ABR: variants seen among roughly 807,000 people sequenced by gnomAD.
ABR encodes active breakpoint cluster region-related protein.
In ABR, 35 loss-of-function variants were observed where a neutral mutation model predicts 107.2. The observed-to-expected ratio is 0.33, with a 90% CI of 0.25 to 0.43. The LOEUF is 0.43. ABR is among the 20% of genes least tolerant of loss of function. The pLI, the probability that ABR is intolerant of heterozygous loss-of-function variation, is 1.00. For synonymous variants in ABR, 498 were observed against 462.0 expected (o/e 1.08, Z -1.00); for missense variants, 815 against 1,115.2 (o/e 0.73, Z 3.83).
chr17:1,205,943 A>G (rs1286078481), intron 1 of ABR, among the ~76,000 whole-genome samples: 2 of 151,732 alleles, frequency 1.3e-5, no homozygotes, highest in African/African-American at 2.4e-5. Context: ...TCCGACTCGA[A>G]AAAAGAAAAA....
At position 1,011,765 on chromosome 17, in the gene ABR, G is replaced by A; in HGVS notation, c.2101+81C>T. The A allele has an allele frequency of 6.8e-7, 1 of 1,477,296 alleles. No individual in the cohort carries two copies. The highest frequency in any genetic ancestry group is 1.4e-5 in the South Asian group (1 of 69,586). The allele number at this position is 1,477,296 out of a possible 1,614,324, so 91.5% of individuals were successfully genotyped here. On this transcript the variant is annotated intron_variant, in intron 19 of 22. Coordinates refer to ENST00000302538, the MANE Select transcript of ABR (RefSeq NM_021962.5). This position sits in a 1 kb window ranked among gnomAD's most constrained non-coding sequence, Gnocchi z 4.8. ...AGCCTCCTCTCCAGGGAGGCTCCTG[G>A]TTCCCCCGAGCTCTCCTGTCCATCC...
rs1265868987 is a variant in ABR, at chr17:1,210,987, CAG to C, written c.838+17804_838+17805del. On this transcript the variant is annotated intron_variant, in intron 1 of 22. Transcript: ENST00000574139. This position sits in a 1 kb window ranked among gnomAD's most constrained non-coding sequence, Gnocchi z 5.6. ...AAAAATCTCCCGAGCTTGTTAAAAA[CAG>C]AGATTCCTGGCCGAGCGTGGTGGCT... 6.6e-6 allele frequency among the ~76,000 whole-genome samples: 1 copy of C among 152,174 alleles called. No homozygotes were observed. The highest frequency in any genetic ancestry group is 2.4e-5 in the African/African-American group (1 of 41,460).
At chr17:1,016,695 C>G (rs2071195625) in intron 16 of ABR, among the ~76,000 whole-genome samples, 1 of 152,036 alleles carries the variant, frequency 6.6e-6, no homozygotes, top group Non-Finnish European at 1.5e-5. Flanking sequence ...CGACAGCCAG[C>G]CTCAGGCCTC....
chr17:1,102,552 A>G (rs77257043), intron 2 of ABR, among the ~76,000 whole-genome samples: 3,285 of 152,356 alleles, frequency 0.022, 140 homozygotes, highest in African/African-American at 0.074. Flanking sequence ...AGATGAACTA[A>G]AAGAAAAATA....
At position 1,054,174 on chromosome 17, in the gene ABR, G is replaced by A. The variant is rs114528110; in HGVS notation, c.1561+1861C>T. On this transcript the variant is annotated intron_variant, in intron 14 of 22. Transcript: ENST00000302538. ...GTTTCCGTGACCTCGGCGGGATGCC[G>A]GAGGCTCAGAGCGGACCGTGAGACT... is the stretch of plus-strand genomic sequence containing the variant. Among the ~76,000 whole-genome samples the A allele has an allele frequency of 5.2e-3, 786 of 152,332 alleles. 6 individuals are homozygous for A. The highest frequency in any genetic ancestry group is 0.018 in the African/African-American group (737 of 41,574).
rs573584934 is a variant in ABR at position 1,036,218 on chromosome 17, G to A, written c.1791+13832C>T. ...AATGACTCCAGGAGAGGGGGTTTCT[G>A]AGCAGCCAGCTAGACCAAGGCCACA... On this transcript the variant is annotated intron_variant, in intron 16 of 22. Transcript: ENST00000302538. Among the ~76,000 whole-genome samples, 3 of 152,316 alleles carry A rather than the reference G, an allele frequency of 2.0e-5. No homozygotes were observed. In the South Asian group the frequency reaches 6.2e-4, roughly 32 times the overall value.
intron 1 of ABR, among the ~76,000 whole-genome samples, chr17:1,135,047 T>C (rs2039996919): frequency 6.6e-6 from 1 of 152,194 alleles, no homozygotes; most frequent in Non-Finnish European, 1.5e-5. Flanking sequence ...TCTTGAAAGC[T>C]GTGTGGGTGC....
At chr17:1,111,227 T>C (rs1354502793) in intron 2 of ABR, among the ~76,000 whole-genome samples, 1 of 152,176 alleles carries the variant, frequency 6.6e-6, no homozygotes, top group African/African-American at 2.4e-5. Flanking sequence ...CCCACACCTC[T>C]ACACGGCATG....
chr17:1,155,964 A>AAAG, intron 1 of ABR: 1 of 151,608 alleles, frequency 6.6e-6, no homozygotes, highest in South Asian at 2.1e-4. Flanking sequence ...CAAAAAAAAA[A>AAAG]AAAAAAAAAA....
At chr17:1,012,498 G>T in intron 18 of ABR, 190 bp downstream of exon 18, 1 of 700,962 alleles carries the variant, frequency 1.4e-6, no homozygotes, top group Non-Finnish European at 2.6e-6. Context: ...GTGCTGGCTC[G>T]CGTGCTTCTG....
At chr17:1,203,634 G>C (rs1251914725) in intron 1 of ABR, among the ~76,000 whole-genome samples, 1 of 152,156 alleles carries the variant, frequency 6.6e-6, no homozygotes, top group African/African-American at 2.4e-5. Context: ...GCTGCGAGGA[G>C]CCCGGCGAGT....
rs185856769 is a variant in ABR at position 1,207,360 on chromosome 17, A to G, written c.838+21433T>C. On this transcript the variant is annotated intron_variant, in intron 1 of 22. Coordinates refer to the ABR transcript ENST00000574139. ...CAATATCTATTTGTATTTAAAATGC[A>G]TATATTTGGCCGTGTGCAGTGGCTC... Among the ~76,000 whole-genome samples, 434 of 152,202 alleles carry G rather than the reference A, an allele frequency of 2.9e-3. 5 individuals are homozygous for G. Among genetic ancestry groups the G allele is most frequent in the Non-Finnish European group, 1.9e-3 (126 of 68,008 alleles).
At chr17:1,223,217 T>C (rs1240914916) in intron 1 of ABR, among the ~76,000 whole-genome samples, 1 of 151,056 alleles carries the variant, frequency 6.6e-6, no homozygotes, top group Non-Finnish European at 1.5e-5. Flanking sequence ...AAATAAATAA[T>C]ATAAAAATTA....
In ABR at chr17:1,073,654, G is replaced by A. The variant is rs1567704830; in HGVS notation, c.724C>T (p.Arg242Trp). ...AGGACTAGGGTGCTCCGAGTGACCC[G>A]GTCAATGGGCTTGTAGAGCAGAGCT... ...MEALLYKPID[R>W]VTRSTLVLHD... is the part of the protein sequence containing the mutation. The change falls in exon 7 of 23, where the codon CGG (arginine) becomes TGG (tryptophan). Residue 242 changes from arginine (R) to tryptophan (W), a missense_variant. This residue lies in a region of ABR where 385 missense variants were observed against 596.9 expected (regional missense o/e 0.64). Transcript: ENST00000302538. The A allele has an allele frequency of 5.0e-6, 8 of 1,605,130 alleles. No homozygotes were observed. The highest frequency in any genetic ancestry group is 1.1e-5 in the South Asian group (1 of 89,610).
chr17:1,021,747 T>G (rs1021182078), intron 16 of ABR, among the ~76,000 whole-genome samples: 1 of 149,586 alleles, frequency 6.7e-6, no homozygotes, highest in Non-Finnish European at 1.5e-5. Context: ...GAGGTTGCAG[T>G]GAGCCGGAGT....
At chr17:1,019,586 C>G (rs2071461066) in intron 16 of ABR, among the ~76,000 whole-genome samples, 1 of 152,276 alleles carries the variant, frequency 6.6e-6, no homozygotes, top group African/African-American at 2.4e-5. Flanking sequence ...AGGAGGCTAT[C>G]AGCCTCCAGA....
chr17:1,050,388 C>A lies in ABR; in HGVS notation c.1659+149G>T. The stretch of plus-strand genomic sequence containing the variant: ...CACCACAGGGTCTGACACCCAGACA[C>A]ACACCGCGATCAGAAGCCAGAGGAG... On this transcript the variant is annotated intron_variant, in intron 15 of 22. Transcript: ENST00000302538. This position sits in a 1 kb window ranked among gnomAD's most constrained non-coding sequence, Gnocchi z 4.6. 2.1e-6 allele frequency: 2 copies of A among 945,836 alleles called. No individual in the cohort carries two copies. 58.6% of individuals were successfully genotyped at this position (945,836 alleles called of 1,614,324 possible).
In ABR at chr17:1,179,559, G is replaced by A; in HGVS notation, c.61+108C>T. 18 of 1,194,264 alleles carry A rather than the reference G, an allele frequency of 1.5e-5. No homozygotes were observed. The highest frequency in any genetic ancestry group is 2.0e-5 in the Non-Finnish European group (18 of 907,058). 74.0% of individuals were successfully genotyped at this position (1,194,264 alleles called of 1,614,324 possible). ...CGCTCCCCGGACCAGCCCGGTGCCT[G>A]GGTCCCGATCCCGATCTTGGGGTCC... On this transcript the variant is annotated intron_variant, in intron 1 of 22. Transcript: ENST00000302538. The surrounding 1 kb of genome is among the most constrained non-coding windows in gnomAD (Gnocchi z 4.9).
chr17:1,226,471 T>TGGCAC, intron 1 of ABR, among the ~76,000 whole-genome samples: 1 of 151,464 alleles, frequency 6.6e-6, no homozygotes, highest in Non-Finnish European at 1.5e-5. Context: ...TGCATGTATG[T>TGGCAC]GGCACTGTGC....
Sources: gnomAD v4.1 joint callset for allele counts (sites outside exome capture counted in the v4.1 genomes callset) on GRCh38, gnomAD v4.1.1 for gene constraint, gnomAD v4.1.1 regional missense constraint, Gnocchi (gnomAD v3.1) non-coding constraint, MANE v1.5 for transcripts, NCBI Gene and HGNC (gene_info 2026-07-23, HGNC 2026-07-21) for gene names.